Variants in B4GALT1 observed in about 807,000 individuals in gnomAD.
The protein encoded by B4GALT1 is N-acetyllactosamine synthase.
In B4GALT1, 16 loss-of-function variants were observed where a neutral mutation model predicts 34.9. The observed-to-expected ratio is 0.46, with a 90% CI of 0.31 to 0.70. The LOEUF (loss-of-function observed/expected upper bound fraction) is 0.70. Among genes scored for constraint, B4GALT1 ranks in the 30% least tolerant of loss-of-function variants. The pLI is 0.05. For synonymous variants in B4GALT1, 221 were observed against 218.1 expected, an observed-to-expected ratio of 1.01 and a Z score of -0.12; for missense variants, 445 against 530.5, an observed-to-expected ratio of 0.84 and a Z score of 1.58.
At chr9:33,126,943 G>A (rs1178489418) in intron 2 of B4GALT1, among the ~76,000 whole-genome samples, 1 of 150,692 alleles carries the variant, frequency 6.6e-6, no homozygotes, top group African/African-American at 2.5e-5. Context: ...GACAGTTTTT[G>A]TTTGTTTGTT....
chr9:33,129,682 TC>T (rs34066440), intron 2 of B4GALT1, among the ~76,000 whole-genome samples: 2 of 152,052 alleles, frequency 1.3e-5, no homozygotes, highest in African/African-American at 4.8e-5. Flanking sequence ...CAGATAATCA[TC>T]CCTTTCCAGA....
upstream of B4GALT1, among the ~76,000 whole-genome samples, chr9:33,168,215 C>T (rs1342653765): frequency 6.6e-6 from 1 of 152,222 alleles, no homozygotes; most frequent in Non-Finnish European, 1.5e-5. Context: ...TGGCAAGAGG[C>T]AGAATTCTGG....
chr9:33,153,785 GAATT>G (rs1415048159), intron 1 of B4GALT1, among the ~76,000 whole-genome samples: 1 of 151,882 alleles, frequency 6.6e-6, no homozygotes, highest in Non-Finnish European at 1.5e-5. Flanking sequence ...ATTTAAAGAA[GAATT>G]AATAAAAACC....
intron 2 of B4GALT1, among the ~76,000 whole-genome samples, chr9:33,127,587 C>T (rs1238500394): frequency 2.6e-5 from 4 of 152,196 alleles, no homozygotes; most frequent in Admixed American, 2.6e-4. Flanking sequence ...ACTTCAGACT[C>T]CAAGATGTTC....
At position 33,113,895 on chromosome 9, in the gene B4GALT1, GAA is replaced by G. The variant is rs1262850610; in HGVS notation, c.960-19_960-18del. ...AAAACTAATCTGCAAAGAGTAAAGG[GAA>G]AGTCATTATCACAGAGCTGCCATAC... is the stretch of plus-strand genomic sequence containing the variant. On this transcript the variant is annotated intron_variant, in intron 4 of 5. Coordinates refer to ENST00000379731, the MANE Select transcript of B4GALT1 (RefSeq NM_001497.4). The G allele has an allele frequency of 5.1e-5, 83 of 1,611,702 alleles. No individual in the cohort carries two copies. The highest frequency in any genetic ancestry group is 6.9e-5 in the Non-Finnish European group (81 of 1,177,884).
chr9:33,125,116 A>G (rs1011441805), intron 2 of B4GALT1, among the ~76,000 whole-genome samples: 2 of 152,208 alleles, frequency 1.3e-5, no homozygotes, highest in African/African-American at 4.8e-5. Context: ...GAAAACATAT[A>G]AAATCCCCAA....
intron 1 of B4GALT1, among the ~76,000 whole-genome samples, chr9:33,165,041 T>C (rs927103852): frequency 5.4e-5 from 8 of 148,790 alleles, no homozygotes; most frequent in African/African-American, 2.0e-4. Context: ...GGCACAATCT[T>C]GACTCACTGC....
At chr9:33,171,489 T>C (rs1458443381), upstream of B4GALT1, among the ~76,000 whole-genome samples, 1 of 152,066 alleles carries the variant, frequency 6.6e-6, no homozygotes, top group Non-Finnish European at 1.5e-5. Flanking sequence ...TCTAAAGCAT[T>C]CTTTTGCTTA....
At chr9:33,161,370 G>T (rs185097099) in intron 1 of B4GALT1, among the ~76,000 whole-genome samples, 51 of 151,970 alleles carry the variant, frequency 3.4e-4, no homozygotes, top group Non-Finnish European at 6.6e-4. Flanking sequence ...GGAGGTCTCT[G>T]ACTTACAGAA....
chr9:33,109,197 T>C (rs1452676466), downstream of B4GALT1, among the ~76,000 whole-genome samples: 1 of 152,048 alleles, frequency 6.6e-6, no homozygotes, highest in African/African-American at 2.4e-5. Flanking sequence ...TGATGTAGTC[T>C]ATCAGGCCTA....
intron 2 of B4GALT1, 89 bp downstream of exon 2, chr9:33,135,100 C>G: frequency 7.5e-7 from 1 of 1,333,188 alleles, no homozygotes; most frequent in Admixed American, 1.9e-5. Flanking sequence ...TGTGAAATCA[C>G]TCCCCTTCCC....
chr9:33,115,613 G>A (rs1410107697), intron 4 of B4GALT1, among the ~76,000 whole-genome samples: 1 of 152,210 alleles, frequency 6.6e-6, no homozygotes, highest in Non-Finnish European at 1.5e-5. Context: ...CAAAGCTTCT[G>A]TGAAGACAGT....
downstream of B4GALT1, among the ~76,000 whole-genome samples, chr9:33,110,111 C>G (rs1263059521): frequency 6.6e-6 from 1 of 152,242 alleles, no homozygotes; most frequent in African/African-American, 2.4e-5. Flanking sequence ...TTCCTGCAGC[C>G]CTTCTTCAGG....
chr9:33,118,700 T>C (rs1328096046), intron 3 of B4GALT1, among the ~76,000 whole-genome samples: 1 of 151,910 alleles, frequency 6.6e-6, no homozygotes, highest in African/African-American at 2.4e-5. Context: ...AAAAAAGTTG[T>C]ATCTAAAATA....
At chr9:33,134,346 A>G (rs1201252815) in intron 2 of B4GALT1, among the ~76,000 whole-genome samples, 1 of 152,240 alleles carries the variant, frequency 6.6e-6, no homozygotes, top group Non-Finnish European at 1.5e-5. Flanking sequence ...CTTCAAATGA[A>G]TTTCAATGAA....
upstream of B4GALT1, among the ~76,000 whole-genome samples, chr9:33,169,969 T>A (rs745511300): frequency 2.1e-5 from 1 of 48,384 alleles, no homozygotes; most frequent in Non-Finnish European, 4.3e-5. Context: ...AGCCCCTAGA[T>A]TTTTTTTTTT....
At chr9:33,142,864 G>A (rs1840373498) in intron 1 of B4GALT1, among the ~76,000 whole-genome samples, 1 of 152,212 alleles carries the variant, frequency 6.6e-6, no homozygotes, top group South Asian at 2.1e-4. Flanking sequence ...AAAAAAATAG[G>A]CCAGGTGCGG....
At chr9:33,113,676 A>G in intron 5 of B4GALT1, 90 bp from the exon 6 acceptor site, 1 of 1,608,490 alleles carries the variant, frequency 6.2e-7, no homozygotes, top group Non-Finnish European at 8.5e-7. Flanking sequence ...TCTCCACTGT[A>G]ACCTGACCAC....
chr9:33,127,078 C>T (rs1403087936), intron 2 of B4GALT1, among the ~76,000 whole-genome samples: 3 of 152,196 alleles, frequency 2.0e-5, no homozygotes, highest in Non-Finnish European at 4.4e-5. Flanking sequence ...TCTCCTGCCT[C>T]AGCCTCCCGA....
Sources: gnomAD v4.1 joint callset for allele counts (sites outside exome capture counted in the v4.1 genomes callset) on GRCh38, gnomAD v4.1.1 for gene constraint, MANE v1.5 for transcripts, NCBI Gene and HGNC (gene_info 2026-07-23, HGNC 2026-07-21) for gene names.